Variants in PTPRD observed in about 807,000 individuals in gnomAD.
PTPRD encodes protein tyrosine phosphatase receptor type D, also known as receptor-type tyrosine-protein phosphatase delta.
Under a neutral mutation model 214.5 loss-of-function variants are expected in PTPRD, and 34 were observed. That is an observed-to-expected ratio of 0.16 (90% CI 0.12 to 0.21). The LOEUF (loss-of-function observed/expected upper bound fraction) is 0.21. PTPRD is among the 10% of genes least tolerant of loss of function. The pLI is 1.00. For missense variants in PTPRD, 2,545 were observed against 2,398.7 expected (o/e 1.06, Z -1.27); for synonymous variants, 1,128 against 845.7 (o/e 1.33, Z -5.79).
At chr9:9,559,940 G>C (rs145106212) in intron 8 of PTPRD, among the ~76,000 whole-genome samples, 2 of 152,210 alleles carry the variant, frequency 1.3e-5, no homozygotes, top group Admixed American at 6.5e-5. Flanking sequence ...AATAAATGCA[G>C]TTCTGCCTGG....
intron 7 of PTPRD, among the ~76,000 whole-genome samples, chr9:9,657,004 G>T (rs1197814787): frequency 6.6e-6 from 1 of 152,048 alleles, no homozygotes; most frequent in Non-Finnish European, 1.5e-5. Flanking sequence ...CAAGAGTTTA[G>T]CATCATGTTT....
chr9:8,448,694 T>C (rs571887224), intron 34 of PTPRD, among the ~76,000 whole-genome samples: 1 of 152,274 alleles, frequency 6.6e-6, no homozygotes, highest in South Asian at 2.1e-4. Flanking sequence ...AATTGAAGAG[T>C]TACTAGTTAC....
At chr9:9,765,348 T>C (rs1441985380) in intron 6 of PTPRD, among the ~76,000 whole-genome samples, 1 of 152,096 alleles carries the variant, frequency 6.6e-6, no homozygotes, top group Non-Finnish European at 1.5e-5. Flanking sequence ...AAGCATTACG[T>C]TTGCATGAGA....
At chr9:9,921,994 G>A (rs907972653) in intron 5 of PTPRD, among the ~76,000 whole-genome samples, 1 of 152,038 alleles carries the variant, frequency 6.6e-6, no homozygotes, top group Non-Finnish European at 1.5e-5. Context: ...CTTAATCCCT[G>A]TGCCATAATT....
chr9:9,116,951 A>G (rs1435335613), intron 10 of PTPRD, among the ~76,000 whole-genome samples: 1 of 152,142 alleles, frequency 6.6e-6, no homozygotes, highest in African/African-American at 2.4e-5. Context: ...GTATGGATAC[A>G]TATTTGTCCA....
chr9:9,063,489 G>A (rs1042766506), intron 10 of PTPRD, among the ~76,000 whole-genome samples: 18 of 152,102 alleles, frequency 1.2e-4, no homozygotes, highest in African/African-American at 4.1e-4. Flanking sequence ...AAGTACTGTA[G>A]TATGTAATCT....
intron 30 of PTPRD, 23 bp downstream of exon 30, chr9:8,484,096 C>T (rs746533213): frequency 1.5e-5 from 24 of 1,607,712 alleles, no homozygotes; most frequent in Non-Finnish European, 2.0e-5. Context: ...TTTCCTTCAG[C>T]CCTAAGCCTT....
intron 8 of PTPRD, among the ~76,000 whole-genome samples, chr9:9,511,579 G>A (rs1016377056): frequency 4.0e-5 from 6 of 151,778 alleles, no homozygotes; most frequent in Admixed American, 6.6e-5. Flanking sequence ...AGTGTCAAAC[G>A]TTAAATTAAA....
At chr9:8,390,123 T>C (rs913410331) in intron 36 of PTPRD, among the ~76,000 whole-genome samples, 3 of 152,182 alleles carry the variant, frequency 2.0e-5, no homozygotes, top group Admixed American at 6.6e-5. Flanking sequence ...CCTAATTGGA[T>C]GTCCATCTTC....
intron 11 of PTPRD, among the ~76,000 whole-genome samples, chr9:8,842,914 G>C (rs1378083500): frequency 6.6e-6 from 1 of 152,132 alleles, no homozygotes; most frequent in Non-Finnish European, 1.5e-5. Flanking sequence ...CACTTGCTCT[G>C]CGCTGCACAT....
At chr9:10,447,822 T>C (rs2098810096) in intron 2 of PTPRD, among the ~76,000 whole-genome samples, 1 of 151,992 alleles carries the variant, frequency 6.6e-6, no homozygotes, top group African/African-American at 2.4e-5. Flanking sequence ...GTAGTATAAG[T>C]GACATGCTGG....
At chr9:8,500,303 T>C (rs2097366493) in intron 24 of PTPRD, among the ~76,000 whole-genome samples, 1 of 151,762 alleles carries the variant, frequency 6.6e-6, no homozygotes, top group African/African-American at 2.4e-5. Flanking sequence ...ATCAAAGTTA[T>C]TCCATACAAA....
Position 9,186,573 on chromosome 9 carries a change from C to T in PTPRD, c.-202-3210G>A, listed in dbSNP as rs146357690. Among the ~76,000 whole-genome samples, 662 of 151,760 alleles carry T rather than the reference C, an allele frequency of 4.4e-3. 6 individuals are homozygous for T. The highest frequency in any genetic ancestry group is 0.015 in the African/African-American group (603 of 41,396). On this transcript the variant is annotated intron_variant, in intron 9 of 45. Coordinates refer to ENST00000381196, the MANE Select transcript of PTPRD (RefSeq NM_002839.4). The stretch of plus-strand genomic sequence containing the variant: ...GTGTAGTGAGCTGTAATGGTACCAC[C>T]GCACTCCAACCTGGACAACAAAACA...
intron 11 of PTPRD, among the ~76,000 whole-genome samples, chr9:8,749,191 C>A (rs563528619): frequency 1.3e-5 from 2 of 151,774 alleles, no homozygotes; most frequent in Non-Finnish European, 2.9e-5. Context: ...TGTTTTTGTT[C>A]TTTGTGTTGA....
intron 9 of PTPRD, among the ~76,000 whole-genome samples, chr9:9,394,673 G>C (rs1014210988): frequency 6.6e-6 from 1 of 151,938 alleles, no homozygotes; most frequent in Non-Finnish European, 1.5e-5. Context: ...TCATTATCTT[G>C]TTATATTGAG....
At chr9:10,606,965 G>T (rs1215344200) in intron 2 of PTPRD, among the ~76,000 whole-genome samples, 1 of 151,802 alleles carries the variant, frequency 6.6e-6, no homozygotes, top group East Asian at 1.9e-4. Flanking sequence ...CATGAATTCT[G>T]TATTTAATCA....
intron 35 of PTPRD, among the ~76,000 whole-genome samples, chr9:8,433,285 A>C (rs1265233630): frequency 6.6e-6 from 1 of 152,246 alleles, no homozygotes; most frequent in East Asian, 1.9e-4. Flanking sequence ...CAGTCACATA[A>C]AAGTCAGGCA....
chr9:9,519,630 A>C (rs1244387618), intron 8 of PTPRD, among the ~76,000 whole-genome samples: 2 of 152,070 alleles, frequency 1.3e-5, no homozygotes, highest in Non-Finnish European at 2.9e-5. Flanking sequence ...ACCAAACTAA[A>C]GAATAAGCAT....
chr9:9,300,898 T>G (rs1405421418), intron 9 of PTPRD, among the ~76,000 whole-genome samples: 1 of 151,872 alleles, frequency 6.6e-6, no homozygotes, highest in African/African-American at 2.4e-5. Context: ...ATATTGTTAT[T>G]TATATCACTT....
Sources: gnomAD v4.1 joint callset for allele counts (sites outside exome capture counted in the v4.1 genomes callset) on GRCh38, gnomAD v4.1.1 for gene constraint, MANE v1.5 for transcripts, NCBI Gene and HGNC (gene_info 2026-07-23, HGNC 2026-07-21) for gene names.